The following ZNF641 variants were observed in gnomAD, a reference collection of about 807,000 sequenced individuals.
ZNF641 encodes the protein zinc finger protein 641.
In ZNF641, 26 loss-of-function variants were observed where a neutral mutation model predicts 46.2. The ratio of observed to expected loss-of-function variants is 0.56; its 90% confidence interval spans 0.41 to 0.78. The LOEUF (loss-of-function observed/expected upper bound fraction) is 0.78. Among genes scored for constraint, ZNF641 ranks in the 30% least tolerant of loss-of-function variants. ZNF641 has a pLI of 0.00. For missense variants in ZNF641, 469 were observed against 517.8 expected, an observed-to-expected ratio of 0.91 and a Z score of 0.91; for synonymous variants, 163 against 187.9, an observed-to-expected ratio of 0.87 and a Z score of 1.09.
chr12:48,340,341 G>T lies in ZNF641; in HGVS notation c.*2632C>A. The T allele has an allele frequency of 1.2e-5, 12 of 985,402 alleles. No individual in the cohort carries two copies. Among genetic ancestry groups the T allele is most frequent in the Non-Finnish European group, 1.4e-5 (12 of 829,938 alleles). The allele number at this position is 985,402 out of a possible 1,614,324, so 61.0% of individuals were successfully genotyped here. On this transcript the variant is annotated 3_prime_UTR_variant, in exon 6 of 6. Coordinates refer to ENST00000547026, the MANE Select transcript of ZNF641 (RefSeq NM_001172681.2). ...AATTACTCAAACAGATAAAAGGCTGGATGTTAACATGTAGTTATAAGGGGC... is the reference window on the plus strand; with the variant it reads ...AATTACTCAAACAGATAAAAGGCTGTATGTTAACATGTAGTTATAAGGGGC...
chr12:48,336,309 A>G (rs1222332080), downstream of ZNF641, among the ~76,000 whole-genome samples: 1 of 152,084 alleles, frequency 6.6e-6, no homozygotes, highest in Non-Finnish European at 1.5e-5. Context: ...CCTTTTCTCA[A>G]TTCCCTTACC....
rs989505989 is a variant in ZNF641 at position 48,340,059 on chromosome 12, C to T, written c.*2914G>A. The T allele has an allele frequency of 1.8e-5, 18 of 985,204 alleles. No homozygotes were observed. The African/African-American group carries it at 2.3e-4, about 12-fold the overall frequency. 61.0% of individuals were successfully genotyped at this position (985,204 alleles called of 1,614,324 possible). ...AGAGATTCTTTTTATTTAAAGGGGACGGGGTGAAACATGAACATTTGAGGC... is the reference window on the plus strand; with the variant it reads ...AGAGATTCTTTTTATTTAAAGGGGATGGGGTGAAACATGAACATTTGAGGC... On this transcript the variant is annotated 3_prime_UTR_variant, in exon 6 of 6. Transcript: ENST00000547026.
At chr12:48,350,418 C>A (rs60530639) in intron 1 of ZNF641, 1 of 297,778 alleles carries the variant, frequency 3.4e-6, no homozygotes, top group Non-Finnish European at 6.4e-6. Flanking sequence ...CACAGTGCCC[C>A]TGGAAAGGGT....
intron 1 of ZNF641, chr12:48,350,452 G>C (rs1379514132): frequency 4.2e-6 from 1 of 237,936 alleles, no homozygotes; most frequent in Non-Finnish European, 8.5e-6. Flanking sequence ...ATCCGAGCAA[G>C]GCAGAACTGG....
At chr12:48,344,873 T>A in intron 4 of ZNF641, 161 bp from the exon 5 acceptor site, 1 of 575,814 alleles carries the variant, frequency 1.7e-6, no homozygotes, top group Non-Finnish European at 3.1e-6. Context: ...CCCCACCCAT[T>A]TCTGTTAAGT....
chr12:48,342,731 G>C lies in ZNF641; in HGVS notation c.*242C>G. The C allele has an allele frequency of 7.7e-7, 1 of 1,292,848 alleles. No individual in the cohort carries two copies. The highest frequency in any genetic ancestry group is 2.9e-5 in the East Asian group (1 of 34,516). The allele number at this position is 1,292,848 out of a possible 1,614,324, so 80.1% of individuals were successfully genotyped here. A position where few individuals can be genotyped will look rare whatever the true frequency, so the allele number is the denominator to read the frequency against. On this transcript the variant is annotated 3_prime_UTR_variant, in exon 6 of 6. Transcript: ENST00000547026. ...TCTCCTCTTGAGAACAGCTCAGGCT[G>C]AATATCAGCCCATGTAGGATGCATT...
chr12:48,341,094 C>T lies in ZNF641; in HGVS notation c.*1879G>A. The T allele has an allele frequency of 2.0e-6, 2 of 985,424 alleles. No individual in the cohort carries two copies. The highest frequency in any genetic ancestry group is 2.4e-6 in the Non-Finnish European group (2 of 829,934). 61.0% of individuals were successfully genotyped at this position (985,424 alleles called of 1,614,324 possible). A position where few individuals can be genotyped will look rare whatever the true frequency, so the allele number is the denominator to read the frequency against. On this transcript the variant is annotated 3_prime_UTR_variant, in exon 6 of 6. Coordinates refer to ENST00000547026, the MANE Select transcript of ZNF641 (RefSeq NM_001172681.2). ...CATAAACTCTAAGAAGCCCAGTCAG[C>T]AAAATAAGTCTATCTTCAATTCTAG...
At position 48,350,792 on chromosome 12, in the gene ZNF641, T is replaced by A; in HGVS notation, c.-32A>T. Reference sequence around the variant, plus strand: ...CCGGCCCGGCTCCACTCACCCCCGGTAGGCTTGGCCCGCGGCCCGGTGCCT... The same window carrying A: ...CCGGCCCGGCTCCACTCACCCCCGGAAGGCTTGGCCCGCGGCCCGGTGCCT... On this transcript the variant is annotated 5_prime_UTR_variant, in exon 1 of 6. Coordinates refer to ENST00000547026, the MANE Select transcript of ZNF641 (RefSeq NM_001172681.2). The A allele has an allele frequency of 1.0e-6, 1 of 982,036 alleles. No homozygotes were observed. The highest frequency in any genetic ancestry group is 1.2e-6 in the Non-Finnish European group (1 of 826,940). The allele number at this position is 982,036 out of a possible 1,614,324, so 60.8% of individuals were successfully genotyped here. A position where few individuals can be genotyped will look rare whatever the true frequency, so the allele number is the denominator to read the frequency against.
chr12:48,347,772 TGAGA>T (rs1952920314), intron 2 of ZNF641, 131 bp downstream of exon 2: 2 of 805,606 alleles, frequency 2.5e-6, no homozygotes, highest in South Asian at 3.6e-5. Flanking sequence ...TGACCAGGGC[TGAGA>T]AAGAATGGGC....
intron 1 of ZNF641, 125 bp from the exon 2 acceptor site, chr12:48,348,240 G>C: frequency 1.0e-6 from 1 of 954,660 alleles, no homozygotes; most frequent in Non-Finnish European, 1.6e-6. Flanking sequence ...GCTGGAAGAT[G>C]AACTTTAAAA....
At position 48,338,994 on chromosome 12, in the gene ZNF641, A is replaced by C. The variant is rs1293574090; in HGVS notation, c.*3979T>G. On this transcript the variant is annotated 3_prime_UTR_variant, in exon 6 of 6. Coordinates refer to ENST00000547026, the MANE Select transcript of ZNF641 (RefSeq NM_001172681.2). ...CCTCGGATGTCAGTTTTTCAGTTTT[A>C]CATTGGATTTTCCACCTTTGAGTTG... The C allele has an allele frequency of 6.6e-6, 1 of 152,226 alleles. No individual in the cohort carries two copies. Among genetic ancestry groups the C allele is most frequent in the Non-Finnish European group, 1.5e-5 (1 of 68,040 alleles). The allele number at this position is 152,226 out of a possible 1,614,324, so 9.4% of individuals were successfully genotyped here. A position where few individuals can be genotyped will look rare whatever the true frequency, so the allele number is the denominator to read the frequency against.
At chr12:48,351,030 G>C (rs1953024885), upstream of ZNF641, 1 of 118,662 alleles carries the variant, frequency 8.4e-6, no homozygotes, top group South Asian at 2.2e-4. Flanking sequence ...GAGTGGGAGG[G>C]AGGGAGGGAG....
At chr12:48,344,890 T>C in intron 4 of ZNF641, 178 bp from the exon 5 acceptor site, 1 of 562,502 alleles carries the variant, frequency 1.8e-6, no homozygotes, top group Non-Finnish European at 3.1e-6. Context: ...AAGTCCCTCT[T>C]CTCTGCCTAG....
chr12:48,341,655 T>A lies in ZNF641; in HGVS notation c.*1318A>T. ...GTGATGGCAACAACTTGCAAACACG[T>A]AATTCCTGCCCTAATTTTCCAGCAC... On this transcript the variant is annotated 3_prime_UTR_variant, in exon 6 of 6. Transcript: ENST00000547026. 1 of 985,444 alleles carries A rather than the reference T, an allele frequency of 1.0e-6. No homozygotes were observed. Among genetic ancestry groups the A allele is most frequent in the South Asian group, 4.7e-5 (1 of 21,288 alleles). The allele number at this position is 985,444 out of a possible 1,614,324, so 61.0% of individuals were successfully genotyped here. A position where few individuals can be genotyped will look rare whatever the true frequency, so the allele number is the denominator to read the frequency against.
In ZNF641 at chr12:48,343,436, G is replaced by A. The variant is rs1377787260; in HGVS notation, c.812C>T (p.Thr271Ile). ...GCTGTAGGGTCTCTCCCCAGTGTGT[G>A]TTTGTTGATGCCTGGCAAGGTGGGA... is the stretch of plus-strand genomic sequence containing the variant. ...WGSHLARHQQ[T>I]HTGERPYSCL... The change falls in exon 6 of 6, where the codon ACA (threonine) becomes ATA (isoleucine). Residue 271 changes from threonine to isoleucine, a missense_variant. Transcript: ENST00000547026. 6.2e-7 allele frequency: 1 copy of A among 1,614,144 alleles called. No individual in the cohort carries two copies. The highest frequency in any genetic ancestry group is 1.7e-5 in the Admixed American group (1 of 60,028).
chr12:48,345,591 G>A, intron 3 of ZNF641, 117 bp from the exon 4 acceptor site: 2 of 1,318,294 alleles, frequency 1.5e-6, no homozygotes, highest in African/African-American at 1.5e-5. Context: ...GAAAAGAGCT[G>A]CCCAGAAGTC....
At chr12:48,336,074 A>C (rs1361615450), downstream of ZNF641, among the ~76,000 whole-genome samples, 1 of 152,242 alleles carries the variant, frequency 6.6e-6, no homozygotes, top group African/African-American at 2.4e-5. Context: ...AAACATGAAA[A>C]GGTCCAATTT....
Position 48,350,115 on chromosome 12 carries a change from T to A in ZNF641, c.-26+671A>T, listed in dbSNP as rs375944090. On this transcript the variant is annotated intron_variant, in intron 1 of 5. Transcript: ENST00000547026. ...ACCTGGGCGGTTAAGGTGGTAGCCC[T>A]AACCTCGTTTCTCCTGGTTCCAGGA... 5.1e-4 allele frequency: 823 copies of A among 1,613,690 alleles called. 1 individual carries two copies. Among genetic ancestry groups the A allele is most frequent in the Non-Finnish European group, 6.6e-4 (773 of 1,179,932 alleles).
At chr12:48,350,359 G>T in intron 1 of ZNF641, 1 of 649,772 alleles carries the variant, frequency 1.5e-6, no homozygotes, top group Non-Finnish European at 2.3e-6. Flanking sequence ...GGGCATGGGC[G>T]GGACGGGAGC....
Sources: gnomAD v4.1 joint callset for allele counts (sites outside exome capture counted in the v4.1 genomes callset) on GRCh38, gnomAD v4.1.1 for gene constraint, MANE v1.5 for transcripts, NCBI Gene and HGNC (gene_info 2026-07-23, HGNC 2026-07-21) for gene names.